NLRP5: variants seen among roughly 807,000 people sequenced by gnomAD.
NLRP5 encodes the protein NACHT, LRR and PYD domains-containing protein 5.
A neutral mutation model predicts 113.1 loss-of-function variants in NLRP5; 93 were observed. The ratio of observed to expected loss-of-function variants is 0.82; its 90% confidence interval spans 0.70 to 0.98. The LOEUF (loss-of-function observed/expected upper bound fraction) is 0.98. NLRP5 is among the 50% of genes least tolerant of loss of function. The pLI, the probability that NLRP5 is intolerant of heterozygous loss-of-function variation, is 0.00. For synonymous variants in NLRP5, 751 were observed against 600.7 expected (o/e 1.25, Z -3.66); for missense variants, 1,808 against 1,514.3 (o/e 1.19, Z -3.22).
chr19:56,004,975 T>C (rs1448471151), intron 2 of NLRP5, among the ~76,000 whole-genome samples: 1 of 151,272 alleles, frequency 6.6e-6, no homozygotes, highest in Non-Finnish European at 1.5e-5. Flanking sequence ...ATGCCTGTAA[T>C]CCCAGCTACT....
intron 2 of NLRP5, among the ~76,000 whole-genome samples, chr19:56,008,569 G>A (rs1415242230): frequency 6.6e-6 from 1 of 152,162 alleles, no homozygotes; most frequent in Non-Finnish European, 1.5e-5. Context: ...AAAACGGCCA[G>A]AGAATTCTTC....
intron 13 of NLRP5, among the ~76,000 whole-genome samples, chr19:56,055,533 C>CTTTTTTT (rs1491011983): frequency 0.013 from 1,291 of 99,316 alleles, 124 homozygotes; most frequent in Non-Finnish European, 0.019. Flanking sequence ...TTTTCTTTCT[C>CTTTTTTT]TGTCTTTTTT....
At chr19:56,013,596 G>GGTTTTTTTTTTTTTTTTTTTTTT (rs1555765383) in intron 3 of NLRP5, among the ~76,000 whole-genome samples, 16 of 59,286 alleles carry the variant, frequency 2.7e-4, no homozygotes, top group Middle Eastern at 0.015. Context: ...GGACATTTGG[G>GGTTTTTTTTTTTTTTTTTTTTTT]TTTTTTTTTT....
intron 10 of NLRP5, among the ~76,000 whole-genome samples, chr19:56,040,048 T>C (rs1253620582): frequency 1.3e-5 from 2 of 152,130 alleles, no homozygotes; most frequent in Non-Finnish European, 2.9e-5. Context: ...CCTCCCAGGC[T>C]CCAGGGATCC....
At chr19:55,990,845 A>G in the NLRP5 span, among the ~76,000 whole-genome samples, 40,903 of 151,988 alleles carry the variant, frequency 0.27, 5,675 homozygotes, top group African/African-American at 0.29. Flanking sequence ...AAAGCTGGGC[A>G]TGGTTGAGGG....
chr19:55,992,928 C>T, the NLRP5 span, among the ~76,000 whole-genome samples: 25 of 152,144 alleles, frequency 1.6e-4, no homozygotes, highest in Non-Finnish European at 2.5e-4. Context: ...TGGCTCACTG[C>T]AACCTCTGCC....
At chr19:55,999,214 T>TTC (rs1981513850), upstream of NLRP5, among the ~76,000 whole-genome samples, 1 of 142,862 alleles carries the variant, frequency 7.0e-6, no homozygotes, top group African/African-American at 2.6e-5. Flanking sequence ...TTCTTTTTCT[T>TTC]TTTTTTTTTT....
chr19:56,005,651 G>GGTGGCATGCCTGCACATCC (rs1981880944), intron 2 of NLRP5, among the ~76,000 whole-genome samples: 1 of 147,114 alleles, frequency 6.8e-6, no homozygotes, highest in African/African-American at 2.5e-5. Context: ...CACGCGCGCA[G>GGTGGCATGCCTGCACATCC]GTGGCATGCC....
At position 56,007,916 on chromosome 19, in the gene NLRP5, T is replaced by TGTGTGCGCGCGCGCGCGTGC; in HGVS notation, c.443-867_443-866insCGCGCGCGCGCGTGCGTGTG. ...GCGTGCGCGCGTGCGTGTGTGTGTGTGTGTGTGTGTGTGTGTGTTTGAAAC... is the reference window on the plus strand; with the variant it reads ...GCGTGCGCGCGTGCGTGTGTGTGTGTGTGTGCGCGCGCGCGCGTGCGTGTGTGTGTGTGTGTGTTTGAAAC... On this transcript the variant is annotated intron_variant, in intron 2 of 14. Coordinates refer to ENST00000390649, the MANE Select transcript of NLRP5 (RefSeq NM_153447.4). Among the ~76,000 whole-genome samples the TGTGTGCGCGCGCGCGCGTGC allele has an allele frequency of 5.6e-5, 2 of 35,876 alleles. 1 individual carries two copies. Among genetic ancestry groups the TGTGTGCGCGCGCGCGCGTGC allele is most frequent in the African/African-American group, 1.2e-4 (2 of 17,254 alleles). 23.5% of individuals were successfully genotyped at this position (35,876 alleles called of 152,430 possible).
intron 6 of NLRP5, among the ~76,000 whole-genome samples, chr19:56,022,473 C>T (rs57362808): frequency 0.15 from 23,267 of 152,050 alleles, 2,109 homozygotes; most frequent in East Asian, 0.38. Flanking sequence ...AAGTGATCTG[C>T]CCATCTCAGC....
At chr19:56,042,529 A>C (rs1196161878) in intron 11 of NLRP5, among the ~76,000 whole-genome samples, 1 of 152,176 alleles carries the variant, frequency 6.6e-6, no homozygotes, top group Non-Finnish European at 1.5e-5. Flanking sequence ...TTGTATTTTT[A>C]GTAGAGGCAG....
the NLRP5 span, chr19:55,987,854 A>G: frequency 1.2e-6 from 2 of 1,613,228 alleles, no homozygotes; most frequent in Non-Finnish European, 1.7e-6. Flanking sequence ...CTTCTCCCCA[A>G]CTCCTCACCC....
chr19:56,044,614 T>C (rs1983654193), intron 11 of NLRP5, among the ~76,000 whole-genome samples: 1 of 152,200 alleles, frequency 6.6e-6, no homozygotes, highest in Admixed American at 6.5e-5. Flanking sequence ...TTTTGGTGAC[T>C]ATGCCTTATA....
chr19:56,027,740 G>T lies in NLRP5; in HGVS notation c.1507G>T (p.Ala503Ser). Residue 503 changes from alanine to serine, a missense_variant, in exon 7 of 15, where the codon GCC becomes TCC. Physicochemically the swap from Ala to Ser is moderately conservative, Grantham distance 99. Transcript: ENST00000390649. ...CAACCAAACGCTCACAGGCCTGCAC[G>T]CCGCTTTTGTGTTTCATCAGCTCAC... The T allele has an allele frequency of 6.2e-7, 1 of 1,613,702 alleles. No homozygotes were observed. Among genetic ancestry groups the T allele is most frequent in the Non-Finnish European group, 8.5e-7 (1 of 1,179,866 alleles).
chr19:56,037,241 CGTGCCCTTCAGCAAATGCTCGA>C (rs1462472537), intron 9 of NLRP5, among the ~76,000 whole-genome samples: 1 of 152,166 alleles, frequency 6.6e-6, no homozygotes, highest in Non-Finnish European at 1.5e-5. Context: ...CCCGGAAGCT[CGTGCCCTTCAGCAAATGCTCGA>C]GTGCCCTTTG....
At position 56,027,507 on chromosome 19, in the gene NLRP5, G is replaced by T. The variant is rs199475774; in HGVS notation, c.1274G>T (p.Arg425Leu). 4 of 1,613,912 alleles carry T rather than the reference G, an allele frequency of 2.5e-6. No homozygotes were observed. The highest frequency in any genetic ancestry group is 4.5e-5 in the East Asian group (2 of 44,880). ...CTCAAGTCAGAGGTCGTGTCTCCCC[G>T]TTACCTGTTAGTTAGAGGAATCTCC... Residue 425 changes from arginine (R) to leucine (L), a missense_variant, in exon 7 of 15, where the codon CGT becomes CTT. Transcript: ENST00000390649.
At chr19:56,001,556 CG>C (rs1431436302) in intron 1 of NLRP5, among the ~76,000 whole-genome samples, 1 of 151,992 alleles carries the variant, frequency 6.6e-6, no homozygotes, top group Non-Finnish European at 1.5e-5. Context: ...GAAGGAAAGA[CG>C]GGGGCTAAAT....
At chr19:55,988,476 TAA>T in the NLRP5 span, 1 of 110,240 alleles carries the variant, frequency 9.1e-6, no homozygotes, top group Non-Finnish European at 1.9e-5. Flanking sequence ...ATATGCTATA[TAA>T]AGTTTAAATG....
At chr19:56,024,356 AG>A (rs760249044) in intron 6 of NLRP5, among the ~76,000 whole-genome samples, 7,984 of 141,724 alleles carry the variant, frequency 0.056, 269 homozygotes, top group African/African-American at 0.073. Context: ...AAAAAAAAAA[AG>A]AACAAATATA....
Sources: allele counts gnomAD v4.1 joint callset (sites outside exome capture counted in the v4.1 genomes callset), GRCh38; gene constraint gnomAD v4.1.1; transcripts MANE v1.5; gene names NCBI Gene and HGNC (gene_info 2026-07-23, HGNC 2026-07-21).